The following LIMD2 variants were observed in gnomAD, a reference collection of about 807,000 sequenced individuals.
LIMD2 encodes LIM domain containing 2.
LIMD2 carries 11 observed loss-of-function variants against 16.0 expected under a neutral mutation model. The observed-to-expected ratio is 0.69, with a 90% confidence interval of 0.43 to 1.14. The LOEUF is 1.14. Among genes scored for constraint, LIMD2 ranks in the 50% most tolerant of loss-of-function variants. The pLI is 0.00. For synonymous variants in LIMD2, 60 were observed against 67.1 expected (o/e 0.89, Z 0.52); for missense variants, 168 against 165.8 (o/e 1.01, Z -0.07).
At chr17:63,699,105 C>T in intron 2 of LIMD2, 36 bp from the exon 3 acceptor site, 1 of 1,587,632 alleles carries the variant, frequency 6.3e-7, no homozygotes, top group Non-Finnish European at 8.6e-7. Flanking sequence ...GGGGCAGCTC[C>T]GGGAGGCCCT....
At position 63,696,454 on chromosome 17, in the gene LIMD2, T is replaced by G. The variant is rs1415325382; in HGVS notation, c.*2098A>C. ...CAAGTAGAGGGGTCCTGGGGTGATC[T>G]GGCTGATACCATTGTCAGTCCAGAG... On this transcript the variant is annotated 3_prime_UTR_variant, in exon 5 of 5. Transcript: ENST00000259006. 6.6e-6 allele frequency: 1 copy of G among 152,322 alleles called. No individual in the cohort carries two copies. Among genetic ancestry groups the G allele is most frequent in the Non-Finnish European group, 1.5e-5 (1 of 68,070 alleles). The allele number at this position is 152,322 out of a possible 1,614,324, so 9.4% of individuals were successfully genotyped here.
chr17:63,696,112 A>T lies in LIMD2; in HGVS notation c.*2440T>A, dbSNP rs956142162. The stretch of plus-strand genomic sequence containing the variant: ...GAGGCCAGGGCTGGGGACAGTCCGC[A>T]CTCTGCCACCCTCCTGCCCCTTCCA... On this transcript the variant is annotated 3_prime_UTR_variant, in exon 5 of 5. Transcript: ENST00000259006. 1 of 151,704 alleles carries T rather than the reference A, an allele frequency of 6.6e-6. No individual in the cohort carries two copies. Among genetic ancestry groups the T allele is most frequent in the Non-Finnish European group, 1.5e-5 (1 of 67,898 alleles). The allele number at this position is 151,704 out of a possible 1,614,324, so 9.4% of individuals were successfully genotyped here.
chr17:63,699,894 G>A (rs2035759624), intron 1 of LIMD2, 138 bp downstream of exon 1: 3 of 984,048 alleles, frequency 3.0e-6, no homozygotes, highest in South Asian at 4.7e-5. Context: ...GCCCTGAAAC[G>A]AGGACTCGAG....
chr17:63,698,600 C>G lies in LIMD2; in HGVS notation c.336G>C (p.Lys112Asn), dbSNP rs1008303191. ...CCACCTCCTTGTGGGCCCAGAGCTC[C>G]TTGTGCTGCTTGCGGCCAAACCCCT... ...YDEGFGRKQH[K>N]ELWAHKEVDP... The change falls in exon 5 of 5, where the codon AAG (lysine) becomes AAC (asparagine). Residue 112 changes from lysine to asparagine, a missense_variant. By Grantham distance (94) the Lys-to-Asn change is moderately conservative (BLOSUM62 0). Coordinates refer to ENST00000259006, the MANE Select transcript of LIMD2 (RefSeq NM_030576.4). 6.2e-7 allele frequency: 1 copy of G among 1,613,908 alleles called. No homozygotes were observed. The highest frequency in any genetic ancestry group is 8.5e-7 in the Non-Finnish European group (1 of 1,180,010).
chr17:63,699,564 C>G, intron 1 of LIMD2: 1 of 468,600 alleles, frequency 2.1e-6, no homozygotes. Flanking sequence ...CTCGGAAGAA[C>G]AAAGTTAGCG....
rs183754042 is a variant in LIMD2 at position 63,698,044 on chromosome 17, C to T, written c.*508G>A. On this transcript the variant is annotated 3_prime_UTR_variant, in exon 5 of 5. Coordinates refer to ENST00000259006, the MANE Select transcript of LIMD2 (RefSeq NM_030576.4). ...AGGCAGGGTGGCTCCACTTCCCCAT[C>T]TCCTCCCCCATGGGCTGCAGGGGCA... 5.2e-3 allele frequency: 832 copies of T among 159,530 alleles called. 8 individuals are homozygous for T. Among genetic ancestry groups the T allele is most frequent in the African/African-American group, 0.018 (760 of 41,618 alleles). 9.9% of individuals were successfully genotyped at this position (159,530 alleles called of 1,614,324 possible). A position where few individuals can be genotyped will look rare whatever the true frequency, so the allele number is the denominator to read the frequency against.
Position 63,698,819 on chromosome 17 carries a change from C to T in LIMD2, c.204G>A (p.Lys68=), listed in dbSNP as rs1320255032. Residue 68 remains lysine (K), a synonymous_variant, in exon 4 of 5, where the codon AAG becomes AAA. Transcript: ENST00000259006. ...LIFHNSCFCC[K]HCHTKLSLGS... ...CGCACCTGAGCTTGGTGTGACAGTG[C>T]TTGCAGCAGAAGCAAGAGTTGTGGA... The T allele has an allele frequency of 1.2e-6, 2 of 1,612,264 alleles. No homozygotes were observed. The highest frequency in any genetic ancestry group is 2.2e-5 in the East Asian group (1 of 44,834).
At chr17:63,699,558 G>T (rs1387429417) in intron 1 of LIMD2, 3 of 484,342 alleles carry the variant, frequency 6.2e-6, no homozygotes, top group Non-Finnish European at 1.1e-5. Context: ...CCGTCCCTCG[G>T]AAGAACAAAG....
In LIMD2 at chr17:63,698,308, G is replaced by C. The variant is rs2035723070; in HGVS notation, c.*244C>G. 5 of 565,528 alleles carry C rather than the reference G, an allele frequency of 8.8e-6. No individual in the cohort carries two copies. Among genetic ancestry groups the C allele is most frequent in the Admixed American group, 6.3e-5 (2 of 31,658 alleles). 35.0% of individuals were successfully genotyped at this position (565,528 alleles called of 1,614,324 possible). ...GGTCCTGGGGTGAGGTGGGGAGGGA[G>C]GCTGAACGAAGCAGGAAGCAGGGTG... On this transcript the variant is annotated 3_prime_UTR_variant, in exon 5 of 5. Transcript: ENST00000259006.
chr17:63,699,772 T>TGGGG, intron 1 of LIMD2: 2 of 329,574 alleles, frequency 6.1e-6, no homozygotes, highest in Non-Finnish European at 4.3e-6. Context: ...GCGCCCGAGG[T>TGGGG]CCCCGCCCGC....
chr17:63,698,064 G>C lies in LIMD2; in HGVS notation c.*488C>G, dbSNP rs2035718527. The C allele has an allele frequency of 6.1e-6, 1 of 164,390 alleles. No individual in the cohort carries two copies. Among genetic ancestry groups the C allele is most frequent in the Non-Finnish European group, 1.3e-5 (1 of 74,314 alleles). The allele number at this position is 164,390 out of a possible 1,614,324, so 10.2% of individuals were successfully genotyped here. ...CCCATCTCCTCCCCCATGGGCTGCA[G>C]GGGCATTTATGATGCCCAACAGGTG... is the stretch of plus-strand genomic sequence containing the variant. On this transcript the variant is annotated 3_prime_UTR_variant, in exon 5 of 5. Transcript: ENST00000259006.
chr17:63,698,394 A>G lies in LIMD2; in HGVS notation c.*158T>C. 2 of 815,776 alleles carry G rather than the reference A, an allele frequency of 2.5e-6. No individual in the cohort carries two copies. Among genetic ancestry groups the G allele is most frequent in the Admixed American group, 5.8e-5 (2 of 34,198 alleles). The allele number at this position is 815,776 out of a possible 1,614,324, so 50.5% of individuals were successfully genotyped here. The stretch of plus-strand genomic sequence containing the variant: ...CCGGCTGCGGGAGAAGGAAGAAGGA[A>G]GGAGTCCTGGAGCAGAGCCCTGCCC... On this transcript the variant is annotated 3_prime_UTR_variant, in exon 5 of 5. Coordinates refer to ENST00000259006, the MANE Select transcript of LIMD2 (RefSeq NM_030576.4).
chr17:63,698,492 C>T lies in LIMD2; in HGVS notation c.*60G>A, dbSNP rs78724423. 3.2e-3 allele frequency: 5,073 copies of T among 1,575,972 alleles called. 141 individuals carry two copies. In the African/African-American group the frequency reaches 0.061, roughly 19 times the overall value. On this transcript the variant is annotated 3_prime_UTR_variant, in exon 5 of 5. Transcript: ENST00000259006. ...CACGCAAGCCCAGCTCGACCTCCTT[C>T]CCACCTTCCCCCTGCCGGCTCCAGG...
chr17:63,698,489 CT>C lies in LIMD2; in HGVS notation c.*62del. 1 of 1,570,256 alleles carries C rather than the reference CT, an allele frequency of 6.4e-7. No individual in the cohort carries two copies. Among genetic ancestry groups the C allele is most frequent in the African/African-American group, 1.4e-5 (1 of 74,048 alleles). On this transcript the variant is annotated 3_prime_UTR_variant, in exon 5 of 5. Transcript: ENST00000259006. ...CCCCACGCAAGCCCAGCTCGACCTC[CT>C]TCCCACCTTCCCCCTGCCGGCTCCA...
rs2035695848 is a variant in LIMD2, at chr17:63,696,521, C to T, written c.*2031G>A. On this transcript the variant is annotated 3_prime_UTR_variant, in exon 5 of 5. Transcript: ENST00000259006. The stretch of plus-strand genomic sequence containing the variant: ...TCCAGTTGCCCCTCCAGGAGCTCCA[C>T]TGGGGTGGTCCCAACAGGGCTGATT... 1 of 152,370 alleles carries T rather than the reference C, an allele frequency of 6.6e-6. No homozygotes were observed. The highest frequency in any genetic ancestry group is 1.5e-5 in the Non-Finnish European group (1 of 68,214). 9.4% of individuals were successfully genotyped at this position (152,370 alleles called of 1,614,324 possible).
At chr17:63,699,794 G>GGCCCC in intron 1 of LIMD2, 1 of 376,942 alleles carries the variant, frequency 2.7e-6, no homozygotes, top group South Asian at 1.1e-4. Context: ...CCGCCCCTCG[G>GGCCCC]CCCCCGACCT....
Position 63,699,242 on chromosome 17 carries a change from C to G in LIMD2, c.42+15G>C. On this transcript the variant is annotated intron_variant, in intron 2 of 4. Transcript: ENST00000259006. ...CTCCTGTCCGGGGGGCCCTCCCACC[C>G]AGCCGGGCACTTACATGAGAGGGGG... 1 of 1,611,436 alleles carries G rather than the reference C, an allele frequency of 6.2e-7. No homozygotes were observed.
At chr17:63,699,749 CA>C (rs995891329) in intron 1 of LIMD2, 1 of 790,754 alleles carries the variant, frequency 1.3e-6, no homozygotes, top group African/African-American at 1.9e-5. Flanking sequence ...CTAGGCTGCG[CA>C]GCCCCTGGAC....
In LIMD2 at chr17:63,699,288, G is replaced by C. The variant is rs1365265440; in HGVS notation, c.11C>G (p.Ala4Gly). 3 of 1,609,782 alleles carry C rather than the reference G, an allele frequency of 1.9e-6. No homozygotes were observed. Among genetic ancestry groups the C allele is most frequent in the Middle Eastern group, 1.7e-4 (1 of 6,036 alleles). MFQAAGAAQATPSH... is the reference protein window; with the variant it reads MFQGAGAAQATPSH... ...GGGGGTGGCCTGGGCGGCTCCTGCAGCCTGGAACATGGCTCGTTGGAGGTG... is the reference window on the plus strand; with the variant it reads ...GGGGGTGGCCTGGGCGGCTCCTGCACCCTGGAACATGGCTCGTTGGAGGTG... Residue 4 changes from alanine (A) to glycine (G), a missense_variant, in exon 2 of 5, where the codon GCT becomes GGT. Physicochemically the swap from Ala to Gly is moderately conservative, Grantham distance 60 (BLOSUM62 0). Coordinates refer to ENST00000259006, the MANE Select transcript of LIMD2 (RefSeq NM_030576.4).
Sources: allele counts gnomAD v4.1 joint callset, GRCh38; gene constraint gnomAD v4.1.1; transcripts MANE v1.5; gene names NCBI Gene and HGNC (gene_info 2026-07-23, HGNC 2026-07-21).